The following ZRANB3 variants were observed in gnomAD, a reference collection of about 807,000 sequenced individuals.
ZRANB3 encodes DNA annealing helicase and endonuclease ZRANB3.
In ZRANB3, 125 loss-of-function variants were observed where a neutral mutation model predicts 133.8. The observed-to-expected ratio is 0.93, with a 90% CI of 0.81 to 1.08. The LOEUF (loss-of-function observed/expected upper bound fraction) is 1.08, where lower values mean the gene tolerates loss of function less well. Ranked by LOEUF, ZRANB3 falls within the 50% of genes least tolerant of loss-of-function variation. The pLI is 0.00. For synonymous variants in ZRANB3, 387 were observed against 432.7 expected, an observed-to-expected ratio of 0.89 and a Z score of 1.31; for missense variants, 1,229 against 1,275.5, an observed-to-expected ratio of 0.96 and a Z score of 0.56.
chr2:135,346,484 C>A (rs1684931739), intron 5 of ZRANB3, among the ~76,000 whole-genome samples: 1 of 152,104 alleles, frequency 6.6e-6, no homozygotes, highest in Admixed American at 6.6e-5. Context: ...AGGTATAGTA[C>A]ATATATTTAT....
chr2:135,331,557 T>C (rs1480623414), intron 6 of ZRANB3, among the ~76,000 whole-genome samples: 1 of 152,216 alleles, frequency 6.6e-6, no homozygotes, highest in Non-Finnish European at 1.5e-5. Context: ...GAGAGTTCTG[T>C]AGATGTCTAT....
At chr2:135,388,453 C>A (rs1687077666) in intron 3 of ZRANB3, among the ~76,000 whole-genome samples, 1 of 151,700 alleles carries the variant, frequency 6.6e-6, no homozygotes, top group African/African-American at 2.4e-5. Context: ...ACCAAAGTAC[C>A]AATGGTGTAC....
chr2:135,277,009 G>A (rs937913875), intron 8 of ZRANB3, among the ~76,000 whole-genome samples: 1 of 152,130 alleles, frequency 6.6e-6, no homozygotes, highest in Non-Finnish European at 1.5e-5. Flanking sequence ...GAAAACTACA[G>A]ACTTATTCTC....
At chr2:135,212,189 C>T (rs562080435) in intron 17 of ZRANB3, among the ~76,000 whole-genome samples, 2 of 152,314 alleles carry the variant, frequency 1.3e-5, no homozygotes, top group Admixed American at 1.3e-4. Flanking sequence ...GTGCTCCAGT[C>T]TGGGCAGTAG....
chr2:135,510,564 C>G (rs763891826), intron 1 of ZRANB3: 5 of 692,476 alleles, frequency 7.2e-6, no homozygotes, highest in Non-Finnish European at 1.3e-5. Flanking sequence ...ATGGAGCAAG[C>G]CTTCTTCCCA....
intron 8 of ZRANB3, among the ~76,000 whole-genome samples, chr2:135,297,480 G>A (rs951685017): frequency 8.5e-5 from 13 of 152,160 alleles, no homozygotes; most frequent in African/African-American, 2.4e-4. Flanking sequence ...TCTGTCACCC[G>A]TTCCTTTGAC....
rs146857235 is a variant in ZRANB3, at chr2:135,425,510, T to C, written c.162-34690A>G. 4.8e-3 allele frequency among the ~76,000 whole-genome samples: 737 copies of C among 152,272 alleles called. 2 individuals carry two copies. The highest frequency in any genetic ancestry group is 0.015 in the African/African-American group (619 of 41,558). ...GAAAAAGAAATGACAGTAGGCTACATGGCTCTGCTGTGAGTAGATTTTTCC... is the reference window on the plus strand; with the variant it reads ...GAAAAAGAAATGACAGTAGGCTACACGGCTCTGCTGTGAGTAGATTTTTCC... On this transcript the variant is annotated intron_variant, in intron 2 of 20. Coordinates refer to ENST00000264159, the MANE Select transcript of ZRANB3 (RefSeq NM_032143.4).
At chr2:135,456,388 C>G (rs975221473) in intron 2 of ZRANB3, among the ~76,000 whole-genome samples, 2 of 152,132 alleles carry the variant, frequency 1.3e-5, no homozygotes, top group Non-Finnish European at 1.5e-5. Flanking sequence ...TTGGCTAGAA[C>G]TCAGTCACAT....
intron 2 of ZRANB3, among the ~76,000 whole-genome samples, chr2:135,416,510 T>G (rs922641477): frequency 1.3e-5 from 2 of 151,746 alleles, no homozygotes; most frequent in African/African-American, 4.8e-5. Context: ...GAAGAATCAA[T>G]ATCGTGAAAA....
intron 2 of ZRANB3, among the ~76,000 whole-genome samples, chr2:135,442,400 C>T (rs2104994520): frequency 6.6e-6 from 1 of 152,294 alleles, no homozygotes; most frequent in East Asian, 1.9e-4. Flanking sequence ...TGAACAGACA[C>T]TTCTCAAAAG....
chr2:135,202,894 C>A lies in ZRANB3; in HGVS notation c.3079G>T (p.Gly1027Trp), dbSNP rs747084229. 2 of 1,612,038 alleles carry A rather than the reference C, an allele frequency of 1.2e-6. No homozygotes were observed. Among genetic ancestry groups the A allele is most frequent in the African/African-American group, 2.7e-5 (2 of 74,924 alleles). ...WQVDHIKPVY[G>W]GGGQCSLDNL... ...TCCAGGGAACACTGTCCTCCTCCCC[C>A]ATACACTGGCTTGATGTGATCCACC... The change falls in exon 20 of 21, where the codon GGG becomes TGG. Residue 1027 changes from glycine to tryptophan, a missense_variant. Gly to Trp is a radical substitution (Grantham distance 184, BLOSUM62 -2). Transcript: ENST00000264159.
intron 1 of ZRANB3, chr2:135,510,824 A>G: frequency 1.2e-6 from 1 of 851,502 alleles, no homozygotes; most frequent in Non-Finnish European, 2.1e-6. Context: ...ATTTCCCACC[A>G]CTGTTAATGT....
chr2:135,524,613 A>G (rs1334525895), intron 1 of ZRANB3, among the ~76,000 whole-genome samples: 1 of 152,222 alleles, frequency 6.6e-6, no homozygotes, highest in Non-Finnish European at 1.5e-5. Flanking sequence ...AAAGCTGAGA[A>G]TAACAAGAAA....
At chr2:135,231,105 A>C (rs1694993372) in intron 12 of ZRANB3, among the ~76,000 whole-genome samples, 178 bp from the exon 13 acceptor site, 1 of 152,136 alleles carries the variant, frequency 6.6e-6, no homozygotes, top group African/African-American at 2.4e-5. Flanking sequence ...ATATATATGT[A>C]AAACATATCC....
intron 1 of ZRANB3, among the ~76,000 whole-genome samples, chr2:135,521,457 GGGAGGCAGACATTA>G (rs534930910): frequency 7.7e-4 from 117 of 152,256 alleles, no homozygotes; most frequent in African/African-American, 2.6e-3. Flanking sequence ...GCTTGAACCC[GGGAGGCAGACATTA>G]CGGTGAGCCA....
At chr2:135,281,701 C>A (rs1257134760) in intron 8 of ZRANB3, among the ~76,000 whole-genome samples, 1 of 152,154 alleles carries the variant, frequency 6.6e-6, no homozygotes, top group African/African-American at 2.4e-5. Context: ...CACTGGGATA[C>A]AATTCACATA....
intron 8 of ZRANB3, among the ~76,000 whole-genome samples, chr2:135,301,994 C>T (rs1199596282): frequency 6.6e-6 from 1 of 152,196 alleles, no homozygotes; most frequent in Non-Finnish European, 1.5e-5. Context: ...CACTGGTATA[C>T]ATACAATATA....
intron 8 of ZRANB3, among the ~76,000 whole-genome samples, chr2:135,302,205 T>C (rs977756488): frequency 4.6e-5 from 7 of 152,200 alleles, no homozygotes; most frequent in African/African-American, 1.7e-4. Context: ...GTAATATTTC[T>C]GGGGAAAATG....
intron 2 of ZRANB3, among the ~76,000 whole-genome samples, chr2:135,486,574 G>A (rs1173602027): frequency 6.6e-6 from 1 of 151,674 alleles, no homozygotes; most frequent in Admixed American, 6.6e-5. Context: ...AAGTGCAGTG[G>A]TGTGATCTCA....
Sources: gnomAD v4.1 joint callset for allele counts (sites outside exome capture counted in the v4.1 genomes callset) on GRCh38, gnomAD v4.1.1 for gene constraint, MANE v1.5 for transcripts, NCBI Gene and HGNC (gene_info 2026-07-23, HGNC 2026-07-21) for gene names.